The following ACAD10 variants were observed in gnomAD, a reference collection of about 807,000 sequenced individuals.
ACAD10 encodes the protein ACAD-10.
Under a neutral mutation model 116.8 loss-of-function variants are expected in ACAD10, and 112 were observed. The ratio of observed to expected loss-of-function variants is 0.96; its 90% CI spans 0.82 to 1.12. The LOEUF (loss-of-function observed/expected upper bound fraction) is 1.12. Among genes scored for constraint, ACAD10 ranks in the 50% most tolerant of loss-of-function variants. The pLI, the probability that ACAD10 is intolerant of heterozygous loss-of-function variation, is 0.00. For missense variants in ACAD10, 1,259 were observed against 1,350.2 expected (o/e 0.93, Z 1.06); for synonymous variants, 486 against 510.6 (o/e 0.95, Z 0.65).
At chr12:111,751,482 G>A (rs946694213) in intron 18 of ACAD10, among the ~76,000 whole-genome samples, 6 of 152,166 alleles carry the variant, frequency 3.9e-5, no homozygotes, top group African/African-American at 9.7e-5. Flanking sequence ...TGTAATCTCA[G>A]CACTTTGGGA....
intron 2 of ACAD10, among the ~76,000 whole-genome samples, chr12:111,697,490 A>G (rs1417398713): frequency 1.3e-5 from 2 of 148,998 alleles, no homozygotes; most frequent in Non-Finnish European, 1.5e-5. Flanking sequence ...CCTCCCAAGT[A>G]GCTGGTATTA....
chr12:111,728,180 C>T, intron 9 of ACAD10, 37 bp downstream of exon 9: 3 of 1,553,422 alleles, frequency 1.9e-6, no homozygotes, highest in Non-Finnish European at 2.6e-6. Context: ...CTGGTTGTTT[C>T]ATCACTAGTG....
At chr12:111,689,455 T>C (rs1887976187) in intron 1 of ACAD10, among the ~76,000 whole-genome samples, 1 of 151,468 alleles carries the variant, frequency 6.6e-6, no homozygotes, top group South Asian at 2.1e-4. Flanking sequence ...CACTGCAACC[T>C]CCACTTCCCT....
intron 12 of ACAD10, 164 bp from the exon 13 acceptor site, chr12:111,744,479 C>A: frequency 2.4e-6 from 2 of 817,534 alleles, no homozygotes; most frequent in Non-Finnish European, 3.8e-6. Context: ...AGTTGTATTG[C>A]TTTGGGGATT....
rs759562746 is a variant in ACAD10 at position 111,744,792 on chromosome 12, G to A, written c.1864G>A (p.Ala622Thr). The A allele has an allele frequency of 2.0e-5, 32 of 1,614,216 alleles. No individual in the cohort carries two copies. The highest frequency in any genetic ancestry group is 2.5e-5 in the Non-Finnish European group (30 of 1,180,042). Residue 622 changes from alanine (A) to threonine (T), a missense_variant, in exon 13 of 21, where the codon GCC (alanine) becomes ACC (threonine). Coordinates refer to ENST00000313698, the MANE Select transcript of ACAD10 (RefSeq NM_025247.6). ...GTTAACAAGGTCCTACCACACGTGGGCCAGGCCCCAGTCCCAGTGGTGCCC... is the reference window on the plus strand; with the variant it reads ...GTTAACAAGGTCCTACCACACGTGGACCAGGCCCCAGTCCCAGTGGTGCCC... ...NPLTRSYHTW[A>T]RPQSQWCPTG...
At chr12:111,701,852 C>T (rs1888357685) in intron 2 of ACAD10, among the ~76,000 whole-genome samples, 1 of 152,128 alleles carries the variant, frequency 6.6e-6, no homozygotes, top group African/African-American at 2.4e-5. Context: ...GGTAAGTGAC[C>T]TAACATATGG....
intron 20 of ACAD10, 26 bp from the exon 21 acceptor site, chr12:111,756,307 G>T (rs773214258): frequency 1.3e-6 from 2 of 1,560,232 alleles, no homozygotes; most frequent in African/African-American, 1.4e-5. Context: ...ACCCAGGGCC[G>T]CCTCCCTCCA....
Position 111,746,209 on chromosome 12 carries a change from A to G in ACAD10, c.2181A>G (p.Lys727=). ...CCTTAGAGGCTGATCCCGAGAAAAAATACGGAGCAGGACTGACCAATGTGG... is the reference window on the plus strand; with the variant it reads ...CCTTAGAGGCTGATCCCGAGAAAAAGTACGGAGCAGGACTGACCAATGTGG... ...FLPLEADPEK[K]YGAGLTNVEY... Residue 727 remains lysine (K), a synonymous_variant, in exon 14 of 21, where the codon AAA becomes AAG. Transcript: ENST00000313698. The G allele has an allele frequency of 6.2e-7, 1 of 1,613,994 alleles. No individual in the cohort carries two copies. The highest frequency in any genetic ancestry group is 8.5e-7 in the Non-Finnish European group (1 of 1,180,028).
intron 18 of ACAD10, chr12:111,753,435 C>T: frequency 2.0e-6 from 1 of 497,022 alleles, no homozygotes; most frequent in Non-Finnish European, 3.9e-6. Flanking sequence ...GGGTCAGATG[C>T]TGGCTCAGAT....
chr12:111,713,261 A>T (rs1285875378), intron 6 of ACAD10, among the ~76,000 whole-genome samples: 1 of 151,146 alleles, frequency 6.6e-6, no homozygotes, highest in Non-Finnish European at 1.5e-5. Context: ...CAGTCAGCCG[A>T]GATCGTGCTA....
chr12:111,739,430 T>A (rs2135983699), intron 12 of ACAD10, among the ~76,000 whole-genome samples: 1 of 151,862 alleles, frequency 6.6e-6, no homozygotes, highest in African/African-American at 2.4e-5. Flanking sequence ...AGGAAAAGGG[T>A]GAAAAAGGAA....
chr12:111,749,089 A>G lies in ACAD10; in HGVS notation c.2645-84A>G, dbSNP rs373996101. 8.6e-5 allele frequency: 139 copies of G among 1,613,544 alleles called. 1 individual carries two copies. The highest frequency in any genetic ancestry group is 5.2e-4 in the Admixed American group (31 of 60,006). ...TAAAGGGCAGGGACATTGCCAGCAG[A>G]TAACCCAGACTGAGGTGAGGAATAA... On this transcript the variant is annotated intron_variant, in intron 17 of 20. Coordinates refer to ENST00000313698, the MANE Select transcript of ACAD10 (RefSeq NM_025247.6).
In ACAD10 at chr12:111,745,077, A is replaced by G. The variant is rs552218346; in HGVS notation, c.2115+34A>G. The G allele has an allele frequency of 1.6e-5, 26 of 1,586,036 alleles. 1 individual carries two copies. Among genetic ancestry groups the G allele is most frequent in the African/African-American group, 1.3e-4 (10 of 74,498 alleles). On this transcript the variant is annotated intron_variant, in intron 13 of 20. Coordinates refer to ENST00000313698, the MANE Select transcript of ACAD10 (RefSeq NM_025247.6). Reference sequence around the variant, plus strand: ...GCCATGGTGAGGTGGTAAGACCCCAATACCATGGCATACCCTCCCCGACCC... The same window carrying G: ...GCCATGGTGAGGTGGTAAGACCCCAGTACCATGGCATACCCTCCCCGACCC...
intron 5 of ACAD10, 159 bp downstream of exon 5, chr12:111,709,843 T>TTCTATGAA: frequency 3.7e-6 from 3 of 813,104 alleles, no homozygotes; most frequent in Non-Finnish European, 5.6e-6. Context: ...TCTATGTGAC[T>TTCTATGAA]AGCTGCTTGT....
At chr12:111,744,384 C>T (rs1437359349) in intron 12 of ACAD10, among the ~76,000 whole-genome samples, 1 of 152,160 alleles carries the variant, frequency 6.6e-6, no homozygotes, top group Non-Finnish European at 1.5e-5. Context: ...TGGACTCTGG[C>T]CCCCAGCCCC....
At chr12:111,736,789 C>T (rs1264809641) in intron 11 of ACAD10, 42 bp from the exon 12 acceptor site, 3 of 1,578,046 alleles carry the variant, frequency 1.9e-6, no homozygotes, top group Non-Finnish European at 2.6e-6. Context: ...AGGGGCGTGT[C>T]ACGTCAGTGA....
intron 8 of ACAD10, among the ~76,000 whole-genome samples, chr12:111,726,926 G>C (rs1044080491): frequency 1.4e-5 from 2 of 147,740 alleles, no homozygotes; most frequent in South Asian, 4.3e-4. Flanking sequence ...AGCAGAGTTG[G>C]GATTTAAACC....
chr12:111,714,132 C>G (rs1254171971), intron 6 of ACAD10, among the ~76,000 whole-genome samples: 1 of 151,424 alleles, frequency 6.6e-6, no homozygotes, highest in African/African-American at 2.4e-5. Flanking sequence ...GTAGCCCCAG[C>G]TACTTGGGAG....
intron 1 of ACAD10, among the ~76,000 whole-genome samples, chr12:111,688,551 C>T (rs994556432): frequency 6.6e-6 from 1 of 152,128 alleles, no homozygotes; most frequent in African/African-American, 2.4e-5. Flanking sequence ...CCTGCAATCC[C>T]AGCACTTTGG....
Sources: allele counts gnomAD v4.1 joint callset (sites outside exome capture counted in the v4.1 genomes callset), GRCh38; gene constraint gnomAD v4.1.1; transcripts MANE v1.5; gene names NCBI Gene and HGNC (gene_info 2026-07-23, HGNC 2026-07-21).